Variants in PRKG1 observed in about 807,000 individuals in gnomAD.
The protein encoded by PRKG1 is protein kinase cGMP-dependent 1, also known as cGMP-dependent protein kinase 1.
Under a neutral mutation model 88.1 loss-of-function variants are expected in PRKG1, and 35 were observed. That is an observed-to-expected ratio of 0.40 (90% CI 0.30 to 0.53). The LOEUF (loss-of-function observed/expected upper bound fraction) is 0.53, where lower values mean the gene tolerates loss of function less well. Among genes scored for constraint, PRKG1 ranks in the 20% least tolerant of loss-of-function variants. PRKG1 has a pLI of 0.59. For synonymous variants in PRKG1, 303 were observed against 292.5 expected (o/e 1.04, Z -0.37); for missense variants, 540 against 839.8 (o/e 0.64, Z 4.41).
intron 2 of PRKG1, among the ~76,000 whole-genome samples, chr10:51,268,970 C>T (rs576099327): frequency 1.8e-4 from 27 of 152,218 alleles, no homozygotes; most frequent in South Asian, 6.2e-4. Flanking sequence ...TCCTTCCATT[C>T]GGGGTCCCTG....
intron 2 of PRKG1, among the ~76,000 whole-genome samples, chr10:51,171,456 G>T (rs7912331): frequency 6.6e-6 from 1 of 152,040 alleles, no homozygotes; most frequent in African/African-American, 2.4e-5. Context: ...GGTTTATTCC[G>T]TCTTATTTGA....
At chr10:52,146,030 G>T (rs905221799) in intron 8 of PRKG1, among the ~76,000 whole-genome samples, 1 of 152,144 alleles carries the variant, frequency 6.6e-6, no homozygotes, top group Non-Finnish European at 1.5e-5. Flanking sequence ...ATCATGATTT[G>T]CCTTTAATAG....
intron 2 of PRKG1, among the ~76,000 whole-genome samples, chr10:51,230,758 T>C (rs1367711879): frequency 1.3e-5 from 2 of 151,972 alleles, no homozygotes; most frequent in East Asian, 1.9e-4. Context: ...ATAGTTGTTA[T>C]ACTGTATTGC....
rs1319042413 is a variant in PRKG1, at chr10:51,282,686, AT to A, written c.478+129359del. 2.0e-5 allele frequency among the ~76,000 whole-genome samples: 3 copies of A among 152,196 alleles called. No individual in the cohort carries two copies. In the East Asian group the frequency reaches 5.8e-4, roughly 29 times the overall value. On this transcript the variant is annotated intron_variant, in intron 2 of 17. Transcript: ENST00000373980. ...ACTAGTTTATATCCTTTTACTAAATATTTCCCAATGGAAACAGCGTTCACAT... is the reference window on the plus strand; with the variant it reads ...ACTAGTTTATATCCTTTTACTAAATATTCCCAATGGAAACAGCGTTCACAT...
chr10:51,960,139 C>G (rs1843411869), intron 5 of PRKG1, among the ~76,000 whole-genome samples: 1 of 143,686 alleles, frequency 7.0e-6, no homozygotes, highest in Admixed American at 7.0e-5. Flanking sequence ...TTTTTTTAAG[C>G]CAAACCAACC....
chr10:51,384,148 G>C (rs940251653), intron 2 of PRKG1, among the ~76,000 whole-genome samples: 1 of 152,080 alleles, frequency 6.6e-6, no homozygotes, highest in Admixed American at 6.6e-5. Context: ...CCAGAGATGG[G>C]AATGAGAAAC....
intron 7 of PRKG1, among the ~76,000 whole-genome samples, chr10:52,133,111 T>C (rs1216722428): frequency 1.3e-5 from 2 of 152,136 alleles, no homozygotes; most frequent in Non-Finnish European, 2.9e-5. Flanking sequence ...AATTTTTAAC[T>C]AGCTGAAAAT....
At chr10:51,242,557 C>T (rs979513053) in intron 2 of PRKG1, among the ~76,000 whole-genome samples, 13 of 152,236 alleles carry the variant, frequency 8.5e-5, no homozygotes, top group Non-Finnish European at 5.9e-5. Context: ...ATGTCCATTT[C>T]GAGGTGAGTA....
intron 2 of PRKG1, among the ~76,000 whole-genome samples, chr10:51,284,640 G>T (rs1247386583): frequency 6.6e-6 from 1 of 152,036 alleles, no homozygotes; most frequent in Non-Finnish European, 1.5e-5. Flanking sequence ...GTTTTGTAAA[G>T]GTTATTACTG....
chr10:51,759,160 T>C (rs1837952151), intron 3 of PRKG1, among the ~76,000 whole-genome samples: 3 of 152,170 alleles, frequency 2.0e-5, no homozygotes. Flanking sequence ...TAAACATACA[T>C]GTGCATGTAT....
chr10:51,922,091 A>T (rs1320093487), intron 5 of PRKG1, among the ~76,000 whole-genome samples: 1 of 151,896 alleles, frequency 6.6e-6, no homozygotes, highest in Admixed American at 6.6e-5. Flanking sequence ...TCTTTGATAG[A>T]TAAAGGACTA....
At chr10:51,586,025 C>A (rs1838163938) in intron 3 of PRKG1, among the ~76,000 whole-genome samples, 1 of 152,084 alleles carries the variant, frequency 6.6e-6, no homozygotes, top group Non-Finnish European at 1.5e-5. Flanking sequence ...CTGTTGGGTA[C>A]TATGCTCACT....
chr10:51,830,339 A>T (rs545907703), intron 4 of PRKG1, among the ~76,000 whole-genome samples: 1 of 152,236 alleles, frequency 6.6e-6, no homozygotes, highest in Admixed American at 6.6e-5. Context: ...GAGCCATCTA[A>T]CAGTTATCCA....
At chr10:51,041,540 A>T (rs182415174) in intron 1 of PRKG1, among the ~76,000 whole-genome samples, 42 of 151,982 alleles carry the variant, frequency 2.8e-4, no homozygotes, top group African/African-American at 9.2e-4. Flanking sequence ...CCAGCAGGTG[A>T]TGGATACTGC....
At chr10:51,761,177 A>T (rs12265751) in intron 3 of PRKG1, among the ~76,000 whole-genome samples, 2,930 of 152,272 alleles carry the variant, frequency 0.019, 97 homozygotes, top group African/African-American at 0.067. Flanking sequence ...TTGTTAAAGT[A>T]TTTGCTTCAT....
chr10:51,821,455 T>C (rs1839743456), intron 4 of PRKG1, among the ~76,000 whole-genome samples: 1 of 152,252 alleles, frequency 6.6e-6, no homozygotes, highest in Non-Finnish European at 1.5e-5. Flanking sequence ...AACTAATTTA[T>C]GCTCCTAAAA....
At chr10:52,068,259 A>G (rs1846409129) in intron 7 of PRKG1, among the ~76,000 whole-genome samples, 1 of 151,722 alleles carries the variant, frequency 6.6e-6, no homozygotes, top group Admixed American at 6.6e-5. Flanking sequence ...CATATGGAAT[A>G]CATATAAACA....
At chr10:51,062,504 C>G (rs1234722175) in intron 1 of PRKG1, 1 of 152,050 alleles carries the variant, frequency 6.6e-6, no homozygotes, top group Non-Finnish European at 1.5e-5. Flanking sequence ...TTCGGCTTCT[C>G]TAATTATTAT....
chr10:51,364,017 CAG>C (rs1842540192), intron 2 of PRKG1, among the ~76,000 whole-genome samples: 1 of 151,926 alleles, frequency 6.6e-6, no homozygotes, highest in Admixed American at 6.6e-5. Context: ...TGAATAATGA[CAG>C]AGAAACACTG....
Sources: allele counts gnomAD v4.1 joint callset (sites outside exome capture counted in the v4.1 genomes callset), GRCh38; gene constraint gnomAD v4.1.1; transcripts MANE v1.5; gene names NCBI Gene and HGNC (gene_info 2026-07-23, HGNC 2026-07-21).